The following DPF3 variants were observed in gnomAD, a reference collection of about 807,000 sequenced individuals.
The protein encoded by DPF3 is zinc finger protein DPF3.
Under a neutral mutation model 56.8 loss-of-function variants are expected in DPF3, and 18 were observed. The observed-to-expected ratio is 0.32, with a 90% CI of 0.22 to 0.47. The LOEUF (loss-of-function observed/expected upper bound fraction) is 0.47. Ranked by LOEUF, DPF3 falls within the 20% of genes least tolerant of loss-of-function variation. DPF3 has a pLI of 1.00. For missense variants in DPF3, 403 were observed against 488.8 expected (o/e 0.82, Z 1.65); for synonymous variants, 188 against 180.2 (o/e 1.04, Z -0.35).
intron 1 of DPF3, among the ~76,000 whole-genome samples, chr14:72,795,571 A>G (rs1050547567): frequency 6.6e-6 from 1 of 152,198 alleles, no homozygotes; most frequent in African/African-American, 2.4e-5. Flanking sequence ...CGGTACTGTT[A>G]TTCTATTAGT....
chr14:72,885,147 G>A (rs142868180), intron 1 of DPF3, among the ~76,000 whole-genome samples: 1 of 148,422 alleles, frequency 6.7e-6, no homozygotes, highest in African/African-American at 2.5e-5. Flanking sequence ...ACAGGAAGGG[G>A]GATATGAGGG....
chr14:72,787,997 G>A (rs1343683995), intron 1 of DPF3, among the ~76,000 whole-genome samples: 4 of 152,194 alleles, frequency 2.6e-5, no homozygotes, highest in Non-Finnish European at 5.9e-5. Flanking sequence ...GAGAAGAGAG[G>A]GCTTTGGAGA....
chr14:72,648,528 A>G (rs2153568320), intron 8 of DPF3, among the ~76,000 whole-genome samples: 1 of 148,108 alleles, frequency 6.8e-6, no homozygotes, highest in Non-Finnish European at 1.5e-5. Flanking sequence ...GCCACTGCAC[A>G]CTCCAGCCTG....
In DPF3 at chr14:72,762,249, G is replaced by C. The variant is rs953021273; in HGVS notation, c.194-8878C>G. On this transcript the variant is annotated intron_variant, in intron 2 of 10. Coordinates refer to ENST00000556509, the MANE Select transcript of DPF3 (RefSeq NM_001280542.3). Reference sequence around the variant, plus strand: ...AGACAGACATTACAAGAAAACTATAGACTAATATCTCTCATAAACATAGAT... The same window carrying C: ...AGACAGACATTACAAGAAAACTATACACTAATATCTCTCATAAACATAGAT... Among the ~76,000 whole-genome samples the C allele has an allele frequency of 3.3e-5, 5 of 151,686 alleles. No homozygotes were observed. In the South Asian group the frequency reaches 8.3e-4, roughly 25 times the overall value.
At chr14:72,638,819 A>ATTTT (rs71109742) in intron 8 of DPF3, among the ~76,000 whole-genome samples, 32,497 of 141,412 alleles carry the variant, frequency 0.23, 4,139 homozygotes, top group East Asian at 0.53. Context: ...TTTGTTTTAC[A>ATTTT]TTTTTTTTTT....
At chr14:72,783,736 G>A (rs1004317699) in intron 1 of DPF3, among the ~76,000 whole-genome samples, 3 of 152,276 alleles carry the variant, frequency 2.0e-5, no homozygotes, top group South Asian at 4.1e-4. Context: ...TATTGGCACC[G>A]GAAACTAGCA....
intron 1 of DPF3, 29 bp from the exon 2 acceptor site, chr14:72,771,922 G>A (rs1891549362): frequency 1.3e-6 from 2 of 1,500,456 alleles, no homozygotes; most frequent in South Asian, 2.7e-5. Context: ...GAAGGGGTGA[G>A]GCCAGGGAAG....
At chr14:72,653,871 G>A (rs1885990458) in intron 8 of DPF3, among the ~76,000 whole-genome samples, 1 of 152,090 alleles carries the variant, frequency 6.6e-6, no homozygotes, top group Non-Finnish European at 1.5e-5. Context: ...TTATCAGTTG[G>A]GTAAATATCA....
intron 1 of DPF3, among the ~76,000 whole-genome samples, chr14:72,781,244 A>G (rs1347631890): frequency 6.6e-6 from 1 of 152,224 alleles, no homozygotes; most frequent in Admixed American, 6.5e-5. Context: ...GCAGCAGACT[A>G]ATCCCACAAA....
intron 1 of DPF3, among the ~76,000 whole-genome samples, chr14:72,779,160 C>T (rs1432799979): frequency 6.6e-6 from 1 of 152,220 alleles, no homozygotes; most frequent in Non-Finnish European, 1.5e-5. Context: ...TCACCTAGGG[C>T]AGGCATTTAA....
intron 4 of DPF3, among the ~76,000 whole-genome samples, chr14:72,724,691 GC>G (rs1407596225): frequency 2.1e-5 from 3 of 144,732 alleles, no homozygotes; most frequent in Non-Finnish European, 4.5e-5. Context: ...ATGTCAGGGG[GC>G]CCAGAGGGGT....
At chr14:72,810,845 G>A (rs893737021) in intron 1 of DPF3, among the ~76,000 whole-genome samples, 6 of 152,200 alleles carry the variant, frequency 3.9e-5, no homozygotes, top group African/African-American at 1.4e-4. Context: ...TCAAGATGAA[G>A]TCACACTGGA....
chr14:72,726,178 T>A (rs1026466959), intron 4 of DPF3, among the ~76,000 whole-genome samples: 4 of 152,250 alleles, frequency 2.6e-5, no homozygotes, highest in Non-Finnish European at 1.5e-5. Flanking sequence ...GGTCTGGTTA[T>A]GACTGTTGTT....
At chr14:72,838,906 T>TA (rs375598670) in intron 1 of DPF3, among the ~76,000 whole-genome samples, 12,080 of 87,108 alleles carry the variant, frequency 0.14, 1,719 homozygotes, top group East Asian at 0.49. Context: ...ATCATATATA[T>TA]TCTTTTTTTT....
chr14:72,760,938 A>T (rs1891044807), intron 2 of DPF3, among the ~76,000 whole-genome samples: 1 of 152,066 alleles, frequency 6.6e-6, no homozygotes, highest in African/African-American at 2.4e-5. Context: ...GCTATATTGG[A>T]ATTAGACAAA....
chr14:72,630,390 T>C (rs757912628), intron 8 of DPF3, among the ~76,000 whole-genome samples: 6 of 152,080 alleles, frequency 3.9e-5, no homozygotes, highest in Non-Finnish European at 5.9e-5. Context: ...AATGGCCAGG[T>C]CTATCCTAAA....
At chr14:72,867,408 T>C (rs941276570) in intron 1 of DPF3, among the ~76,000 whole-genome samples, 6 of 152,146 alleles carry the variant, frequency 3.9e-5, no homozygotes, top group African/African-American at 1.2e-4. Context: ...TTCCATGGTC[T>C]CTAAGGTGGT....
chr14:72,794,342 A>C (rs1017946455), intron 1 of DPF3, among the ~76,000 whole-genome samples: 2 of 152,216 alleles, frequency 1.3e-5, no homozygotes, highest in Non-Finnish European at 2.9e-5. Flanking sequence ...CCCAGGCAGT[A>C]TTATCCACTC....
chr14:72,759,133 A>G (rs1890962603), intron 2 of DPF3, among the ~76,000 whole-genome samples: 3 of 152,250 alleles, frequency 2.0e-5, no homozygotes, highest in African/African-American at 7.2e-5. Context: ...TTTAACTTCT[A>G]GAAATGAAAA....
Sources: gnomAD v4.1 joint callset for allele counts (sites outside exome capture counted in the v4.1 genomes callset) on GRCh38, gnomAD v4.1.1 for gene constraint, MANE v1.5 for transcripts, NCBI Gene and HGNC (gene_info 2026-07-23, HGNC 2026-07-21) for gene names.